FHL2: variants seen among roughly 807,000 people sequenced by gnomAD.
FHL2 encodes four and a half LIM domains protein 2.
In FHL2, 20 loss-of-function variants were observed where a neutral mutation model predicts 32.7. That is an observed-to-expected ratio of 0.61 (90% CI 0.43 to 0.89). FHL2 has a LOEUF of 0.89. FHL2 is among the 40% of genes least tolerant of loss of function. The pLI, the probability that FHL2 is intolerant of heterozygous loss-of-function variation, is 0.00. For synonymous variants in FHL2, 123 were observed against 128.1 expected (o/e 0.96, Z 0.27); for missense variants, 311 against 358.6 (o/e 0.87, Z 1.07).
At chr2:105,411,665 C>T (rs180905124) in intron 1 of FHL2, among the ~76,000 whole-genome samples, 1 of 149,652 alleles carries the variant, frequency 6.7e-6, no homozygotes, top group African/African-American at 2.5e-5. Flanking sequence ...CATGGTGAAA[C>T]CCTGTCTCTA....
Position 105,398,884 on chromosome 2 carries a change from C to T in FHL2, c.-118G>A, listed in dbSNP as rs779325581. 4.0e-6 allele frequency: 6 copies of T among 1,518,238 alleles called. No individual in the cohort carries two copies. The Admixed American group carries it at 8.7e-5, about 22-fold the overall frequency. The allele number at this position is 1,518,238 out of a possible 1,614,324, so 94.0% of individuals were successfully genotyped here. ...GCTCTGCTCCCCTCTCCTTGGGTCT[C>T]GCACCGGATTCGGCCCCCACTTCCG... is the stretch of plus-strand genomic sequence containing the variant. On this transcript the variant is annotated 5_prime_UTR_variant, in exon 1 of 7. Transcript: ENST00000530340.
intron 1 of FHL2, among the ~76,000 whole-genome samples, chr2:105,426,633 C>A (rs1244705845): frequency 6.6e-6 from 1 of 152,202 alleles, no homozygotes; most frequent in Non-Finnish European, 1.5e-5. Flanking sequence ...AGGCTAGAAG[C>A]CCCTGTGCTG....
upstream of FHL2, among the ~76,000 whole-genome samples, chr2:105,400,072 C>T (rs1446113456): frequency 6.6e-6 from 1 of 152,188 alleles, no homozygotes; most frequent in East Asian, 1.9e-4. Context: ...GCTTCATCAC[C>T]TTAGCTTCCA....
At chr2:105,369,595 G>A (rs1680877806) in intron 4 of FHL2, among the ~76,000 whole-genome samples, 11 of 152,114 alleles carry the variant, frequency 7.2e-5, no homozygotes, top group Admixed American at 7.2e-4. Context: ...TTCAATTGTG[G>A]GGTGATGAAT....
chr2:105,421,502 T>A (rs149011793), intron 1 of FHL2, among the ~76,000 whole-genome samples: 2 of 152,244 alleles, frequency 1.3e-5, no homozygotes, highest in Non-Finnish European at 2.9e-5. Flanking sequence ...GGACAAATGC[T>A]ATCAGGATGA....
At chr2:105,388,626 C>T (rs1247309222) in intron 2 of FHL2, among the ~76,000 whole-genome samples, 3 of 150,728 alleles carry the variant, frequency 2.0e-5, no homozygotes, top group African/African-American at 7.3e-5. Context: ...AGCTTGAGAC[C>T]AGTCTGGCCA....
At chr2:105,412,386 A>G (rs1573393069) in intron 1 of FHL2, among the ~76,000 whole-genome samples, 2 of 152,338 alleles carry the variant, frequency 1.3e-5, no homozygotes, top group Admixed American at 1.3e-4. Flanking sequence ...TCATCAGGAA[A>G]ATAGAAAAAA....
rs764388650 is a variant in FHL2 at position 105,426,836 on chromosome 2, C to T, written c.-25+11563G>A. Among the ~76,000 whole-genome samples the T allele has an allele frequency of 4.1e-4, 63 of 152,214 alleles. 1 individual carries two copies. Among genetic ancestry groups the T allele is most frequent in the Admixed American group, 2.8e-3 (43 of 15,284 alleles). On this transcript the variant is annotated intron_variant, in intron 1 of 5. Transcript: ENST00000393352. ...AGGTGTGGGGTTGCTGAGAATTAGC[C>T]GGGTTGCTTTGAAGCTTCTCAGAGA... is the stretch of plus-strand genomic sequence containing the variant.
At position 105,384,643 on chromosome 2, in the gene FHL2, G is replaced by T. The variant is rs141449241; in HGVS notation, c.156+1718C>A. 2.7e-3 allele frequency among the ~76,000 whole-genome samples: 406 copies of T among 152,302 alleles called. 5 individuals are homozygous for T. The highest frequency in any genetic ancestry group is 9.3e-3 in the African/African-American group (387 of 41,552). On this transcript the variant is annotated intron_variant, in intron 3 of 6. Coordinates refer to ENST00000530340, the MANE Select transcript of FHL2 (RefSeq NM_001318895.3). ...GTGCCTCAGCCTCTCAAGTAGCTGG[G>T]ATTACAGATATGCACCACCACGCCC...
intron 3 of FHL2, among the ~76,000 whole-genome samples, chr2:105,382,693 A>AT (rs145881513): frequency 0.017 from 2,505 of 149,578 alleles, 82 homozygotes; most frequent in African/African-American, 0.059. Flanking sequence ...CTTGTTTATT[A>AT]TTTTTTTTTT....
upstream of FHL2, chr2:105,399,207 G>C (rs1031050091): frequency 2.0e-6 from 3 of 1,467,532 alleles, no homozygotes; most frequent in East Asian, 2.8e-5. Flanking sequence ...GGGCTGCGGC[G>C]GTCCCGGCCC....
chr2:105,370,354 G>A lies in FHL2; in HGVS notation c.332-2615C>T, dbSNP rs562946134. Among the ~76,000 whole-genome samples, 4 of 151,560 alleles carry A rather than the reference G, an allele frequency of 2.6e-5. No homozygotes were observed. The South Asian group carries it at 8.4e-4, about 32-fold the overall frequency. On this transcript the variant is annotated intron_variant, in intron 4 of 6. Coordinates refer to ENST00000530340, the MANE Select transcript of FHL2 (RefSeq NM_001318895.3). Reference sequence around the variant, plus strand: ...CGTACCACTACTCTCCCGCCTGAGCGAAAGAGCGAGATCCTGGCTCAAAAA... The same window carrying A: ...CGTACCACTACTCTCCCGCCTGAGCAAAAGAGCGAGATCCTGGCTCAAAAA...
chr2:105,375,008 G>C (rs913855749), intron 3 of FHL2, among the ~76,000 whole-genome samples: 1 of 152,218 alleles, frequency 6.6e-6, no homozygotes, highest in African/African-American at 2.4e-5. Context: ...TGAAACCGAA[G>C]TCGAAGCTGG....
At chr2:105,396,879 A>T in intron 1 of FHL2, 182 bp from the exon 2 acceptor site, 1 of 598,072 alleles carries the variant, frequency 1.7e-6, no homozygotes, top group East Asian at 2.8e-5. Flanking sequence ...TTTGTACCTC[A>T]GGGCATCTGA....
In FHL2 at chr2:105,361,451, A is replaced by G; in HGVS notation, c.689-17T>C. ...CACCAAGTCCTGTTAACAGAGAGAA[A>G]ATAATACCGGATGAAGAAAGTTAGA... On this transcript the variant is annotated splice_polypyrimidine_tract_variant and intron_variant, in intron 6 of 6. Coordinates refer to ENST00000530340, the MANE Select transcript of FHL2 (RefSeq NM_001318895.3). The G allele has an allele frequency of 6.2e-7, 1 of 1,604,940 alleles. No homozygotes were observed.
chr2:105,396,613 A>G (rs1333908442), intron 2 of FHL2, 34 bp downstream of exon 2: 5 of 1,601,080 alleles, frequency 3.1e-6, no homozygotes, highest in African/African-American at 1.3e-5. Flanking sequence ...GAAATCCACA[A>G]TTTAGGATAA....
intron 4 of FHL2, among the ~76,000 whole-genome samples, chr2:105,368,974 G>T (rs1680833456): frequency 1.3e-5 from 2 of 152,186 alleles, no homozygotes; most frequent in African/African-American, 4.8e-5. Flanking sequence ...TACTTCCATT[G>T]TTTACATCCG....
At chr2:105,400,468 G>A (rs1222608109), upstream of FHL2, among the ~76,000 whole-genome samples, 1 of 151,944 alleles carries the variant, frequency 6.6e-6, no homozygotes, top group African/African-American at 2.4e-5. Context: ...GTCAAGACAG[G>A]CTAGTATTTT....
chr2:105,430,059 C>T (rs1191335276), intron 1 of FHL2, among the ~76,000 whole-genome samples: 3 of 152,178 alleles, frequency 2.0e-5, no homozygotes, highest in Non-Finnish European at 4.4e-5. Flanking sequence ...CAACCTGACT[C>T]GTCAGCTCCC....
Sources: gnomAD v4.1 joint callset for allele counts (sites outside exome capture counted in the v4.1 genomes callset) on GRCh38, gnomAD v4.1.1 for gene constraint, MANE v1.5 for transcripts, NCBI Gene and HGNC (gene_info 2026-07-23, HGNC 2026-07-21) for gene names.